USP9X: variants seen among roughly 807,000 people sequenced by gnomAD.
The protein encoded by USP9X is ubiquitin carboxyl-terminal hydrolase 9X.
Under a neutral mutation model 190.3 loss-of-function variants are expected in USP9X, and 7 were observed. The ratio of observed to expected loss-of-function variants is 0.04; its 90% CI spans 0.02 to 0.07. The LOEUF is 0.07. Ranked by LOEUF, USP9X falls within the 10% of genes least tolerant of loss-of-function variation. USP9X has a pLI of 1.00. For missense variants in USP9X, 1,010 were observed against 1,916.9 expected, an observed-to-expected ratio of 0.53 and a Z score of 8.83; for synonymous variants, 645 against 659.5, an observed-to-expected ratio of 0.98 and a Z score of 0.34.
chrX:41,226,625 AATAG>A (rs753194435), intron 41 of USP9X, among the ~76,000 whole-genome samples: 23 of 112,258 alleles, frequency 2.0e-4, no homozygotes, highest in Non-Finnish European at 3.9e-4. Context: ...AATTTACCAT[AATAG>A]ATTTCAAACA....
At chrX:41,105,154 T>G (rs925242054) in intron 1 of USP9X, among the ~76,000 whole-genome samples, 2 of 111,267 alleles carry the variant, frequency 1.8e-5, no homozygotes, top group African/African-American at 6.5e-5. Context: ...TGCATAAATA[T>G]CAGGTGGAAC....
Position 41,151,046 on chromosome X carries a change from T to G in USP9X, c.1752T>G (p.Pro584=), listed in dbSNP as rs746924873. Reference sequence around the variant, plus strand: ...TTTGTAGTTTGTTTGGTGAAGCGCCTCAAAATTTGAGGTAAGACTTTTTAA... The same window carrying G: ...TTTGTAGTTTGTTTGGTGAAGCGCCGCAAAATTTGAGGTAAGACTTTTTAA... ...REICSLFGEA[P]QNLSQTQRSP... The change falls in exon 13 of 45, where the codon CCT becomes CCG. Residue 584 remains proline (P), a synonymous_variant. Transcript: ENST00000378308. 4.2e-6 allele frequency: 5 copies of G among 1,198,540 alleles called. No individual in the cohort carries two copies. In the African/African-American group the frequency reaches 5.3e-5, roughly 13 times the overall value.
At chrX:41,196,116 G>A (rs2062982110) in intron 26 of USP9X, 135 bp from the exon 27 acceptor site, 1 of 691,743 alleles carries the variant, frequency 1.4e-6, no homozygotes, top group Non-Finnish European at 2.2e-6. Context: ...TGTAGGTAGG[G>A]TAATCCTGTA....
intron 1 of USP9X, 148 bp from the exon 2 acceptor site, chrX:41,123,323 A>G (rs2062206584): frequency 1.6e-5 from 4 of 245,975 alleles, no homozygotes; most frequent in South Asian, 5.8e-5. Flanking sequence ...ATGTAGTATT[A>G]ATGAAACTTC....
chrX:41,173,201 C>A (rs754153448), intron 21 of USP9X, among the ~76,000 whole-genome samples: 1 of 111,464 alleles, frequency 9.0e-6, no homozygotes, highest in African/African-American at 3.3e-5. Context: ...TTGGCTTTTC[C>A]CCTCCAAATA....
chrX:41,129,399 T>C (rs2062287889), intron 3 of USP9X, among the ~76,000 whole-genome samples: 1 of 111,904 alleles, frequency 8.9e-6, no homozygotes. Context: ...TTTTTTCTCA[T>C]TGGTCTCTTG....
chrX:41,218,600 A>G lies in USP9X; in HGVS notation c.6435+3A>G. 8.4e-7 allele frequency: 1 copy of G among 1,191,309 alleles called. No homozygotes were observed. Among genetic ancestry groups the G allele is most frequent in the Non-Finnish European group, 1.1e-6 (1 of 878,288 alleles). On this transcript the variant is annotated splice_donor_region_variant and intron_variant, in intron 37 of 44. Coordinates refer to ENST00000378308, the MANE Select transcript of USP9X (RefSeq NM_001039591.3). ...CCTCTCCTGGACCTTCTAGTCAGGT[A>G]ATTGCACAGCTTTCTTTCTAAATGA...
chrX:41,149,850 C>T (rs2062507146), intron 12 of USP9X, among the ~76,000 whole-genome samples: 2 of 109,956 alleles, frequency 1.8e-5, no homozygotes, highest in African/African-American at 3.3e-5. Context: ...ATTACAGACA[C>T]GTGCCACCAC....
At chrX:41,223,089 T>G in intron 38 of USP9X, 128 bp from the exon 39 acceptor site, 1 of 651,046 alleles carries the variant, frequency 1.5e-6, no homozygotes, top group Non-Finnish European at 2.3e-6. Flanking sequence ...ATTTTTCTGA[T>G]CATAAAAATT....
At chrX:41,107,109 C>T (rs1440555826) in intron 1 of USP9X, among the ~76,000 whole-genome samples, 1 of 109,432 alleles carries the variant, frequency 9.1e-6, no homozygotes, top group African/African-American at 3.3e-5. Context: ...TGGTCTTGAA[C>T]TCCTGACCTC....
chrX:41,135,459 C>T (rs1457686531), intron 5 of USP9X, among the ~76,000 whole-genome samples: 1 of 111,711 alleles, frequency 9.0e-6, no homozygotes, highest in Non-Finnish European at 1.9e-5. Context: ...AAGTGACTAG[C>T]AGAAGCAAAC....
At chrX:41,122,391 G>A (rs1246317748) in intron 1 of USP9X, among the ~76,000 whole-genome samples, 1 of 112,050 alleles carries the variant, frequency 8.9e-6, no homozygotes, top group African/African-American at 3.2e-5. Context: ...TTAGTTGTGC[G>A]GCCTGCCTTG....
intron 5 of USP9X, among the ~76,000 whole-genome samples, chrX:41,136,002 A>T (rs1315120638): frequency 9.0e-6 from 1 of 111,548 alleles, no homozygotes; most frequent in African/African-American, 3.3e-5. Context: ...CCTATAACCT[A>T]TTTCCCAAAT....
chrX:41,092,498 G>C (rs2061961818), intron 1 of USP9X, among the ~76,000 whole-genome samples: 1 of 111,286 alleles, frequency 9.0e-6, no homozygotes, highest in East Asian at 2.8e-4. Flanking sequence ...TGGTTGCTCT[G>C]CTTGGTAACA....
intron 1 of USP9X, among the ~76,000 whole-genome samples, chrX:41,103,614 ATTTAT>A (rs756522107): frequency 3.6e-5 from 4 of 112,521 alleles, no homozygotes; most frequent in Non-Finnish European, 5.6e-5. Context: ...CCATTTATAA[ATTTAT>A]TTTAGTTTTA....
intron 1 of USP9X, among the ~76,000 whole-genome samples, chrX:41,117,656 C>T (rs2062160102): frequency 9.8e-6 from 1 of 102,445 alleles, no homozygotes; most frequent in Non-Finnish European, 2.0e-5. Flanking sequence ...CGGCTCACTG[C>T]AAGCTCTGCC....
chrX:41,168,230 A>G lies in USP9X; in HGVS notation c.2636+12A>G. The G allele has an allele frequency of 8.6e-7, 1 of 1,161,169 alleles. No homozygotes were observed. The highest frequency in any genetic ancestry group is 1.2e-6 in the Non-Finnish European group (1 of 859,109). ...CTCCCTATGTCGAGGTTTGTGAATA[A>G]CTAATCTATTGGTGCTAATTCTTAA... is the stretch of plus-strand genomic sequence containing the variant. On this transcript the variant is annotated intron_variant, in intron 18 of 44. Coordinates refer to ENST00000378308, the MANE Select transcript of USP9X (RefSeq NM_001039591.3).
rs751845660 is a variant in USP9X, at chrX:41,162,896, G to A, written c.1985+19G>A. 1 of 1,152,812 alleles carries A rather than the reference G, an allele frequency of 8.7e-7. No individual in the cohort carries two copies. Among genetic ancestry groups the A allele is most frequent in the African/African-American group, 1.8e-5 (1 of 56,812 alleles). On this transcript the variant is annotated intron_variant, in intron 15 of 44. Coordinates refer to ENST00000378308, the MANE Select transcript of USP9X (RefSeq NM_001039591.3). ...TCCTTAGGTTTGTTTTATACAGTTA[G>A]TGTTGCTCTCTTTAAGAAAAAGATA...
At position 41,218,374 on chromosome X, in the gene USP9X, A is replaced by G; in HGVS notation, c.6212A>G (p.Tyr2071Cys). The change falls in exon 37 of 45, where the codon TAT (tyrosine) becomes TGT (cysteine). Residue 2071 changes from tyrosine (Y) to cysteine (C), a missense_variant and splice_region_variant. Tyr to Cys is a radical substitution (Grantham distance 194). Coordinates refer to ENST00000378308, the MANE Select transcript of USP9X (RefSeq NM_001039591.3). ...TAGGTTTTTTTGTTTTATTTTAGGTATGATGCATTGTGTATTCTCCTTCGT... is the reference window on the plus strand; with the variant it reads ...TAGGTTTTTTTGTTTTATTTTAGGTGTGATGCATTGTGTATTCTCCTTCGT... ...KVVRGSASDW[Y>C]DALCILLRHS... 8.3e-7 allele frequency: 1 copy of G among 1,210,057 alleles called. No homozygotes were observed. The highest frequency in any genetic ancestry group is 1.8e-5 in the South Asian group (1 of 56,841).
Sources: gnomAD v4.1 joint callset for allele counts (sites outside exome capture counted in the v4.1 genomes callset) on GRCh38, gnomAD v4.1.1 for gene constraint, MANE v1.5 for transcripts, NCBI Gene and HGNC (gene_info 2026-07-23, HGNC 2026-07-21) for gene names.